RELN: variants seen among roughly 807,000 people sequenced by gnomAD.
RELN encodes reelin.
Under a neutral mutation model 427.6 loss-of-function variants are expected in RELN, and 108 were observed. The observed-to-expected ratio is 0.25, with a 90% CI of 0.22 to 0.30. The LOEUF (loss-of-function observed/expected upper bound fraction) is 0.30. Among genes scored for constraint, RELN ranks in the 10% least tolerant of loss-of-function variants. The pLI is 1.00. For synonymous variants in RELN, 1,524 were observed against 1,513.4 expected (o/e 1.01, Z -0.16); for missense variants, 3,715 against 4,302.8 (o/e 0.86, Z 3.82).
rs3025950 is a variant in RELN, at chr7:103,578,580, G to T, written c.4146-2875C>A. On this transcript the variant is annotated intron_variant, in intron 28 of 64. Transcript: ENST00000428762. The stretch of plus-strand genomic sequence containing the variant: ...ATTTCCATTTCTCCAAGTTATGCCT[G>T]GTTCCTGATGTCTGCTGCTACTCTG... Among the ~76,000 whole-genome samples, 533 of 152,208 alleles carry T rather than the reference G, an allele frequency of 3.5e-3. 20 individuals are homozygous for T. In the East Asian group the frequency reaches 0.09, roughly 26 times the overall value.
chr7:103,989,184 G>A lies in RELN; in HGVS notation c.173C>T (p.Ser58Phe), dbSNP rs1797168998. ...GGTGGGGTTGCCCGCAATATGCAGG[G>A]AAATGAGCACCTCGCCCTGCTCCCC... Reference protein sequence around the residue: ...GDGEQGEVLISLHIAGNPTYY... With the variant: ...GDGEQGEVLIFLHIAGNPTYY... The change falls in exon 1 of 65, where the codon TCC becomes TTC. Residue 58 changes from serine (S) to phenylalanine (F), a missense_variant. By Grantham distance (155) the Ser-to-Phe change is radical. This residue lies in a region of RELN where 2,208 missense variants were observed against 2,361.7 expected (regional missense o/e 0.93). Transcript: ENST00000428762. This position sits in a 1 kb window ranked among gnomAD's most constrained non-coding sequence, Gnocchi z 4.9. 1.2e-6 allele frequency: 2 copies of A among 1,614,126 alleles called. No individual in the cohort carries two copies. Among genetic ancestry groups the A allele is most frequent in the Non-Finnish European group, 1.7e-6 (2 of 1,179,992 alleles).
chr7:103,654,046 A>G (rs561945732), intron 13 of RELN, 47 bp downstream of exon 13: 3 of 1,050,538 alleles, frequency 2.9e-6, no homozygotes, highest in African/African-American at 3.1e-5. Flanking sequence ...GGGCTTGTCC[A>G]GGGTGGTCTG....
rs187048582 is a variant in RELN at position 103,583,564 on chromosome 7, C to G, written c.4145+6032G>C. 3.6e-3 allele frequency among the ~76,000 whole-genome samples: 554 copies of G among 152,298 alleles called. 12 individuals carry two copies. Among genetic ancestry groups the G allele is most frequent in the Admixed American group, 0.026 (398 of 15,300 alleles). ...GATAAAAGTTTAGAAGATTCCAGTT[C>G]AAGATGGCTGACCAGAGATATCAGA... On this transcript the variant is annotated intron_variant, in intron 28 of 64. Coordinates refer to ENST00000428762, the MANE Select transcript of RELN (RefSeq NM_005045.4).
chr7:103,664,029 T>A (rs1380149298), intron 11 of RELN, among the ~76,000 whole-genome samples: 2 of 152,052 alleles, frequency 1.3e-5, no homozygotes, highest in African/African-American at 4.8e-5. Context: ...GCTACCCAAG[T>A]CCCGGTTGTG....
chr7:103,663,273 C>T (rs968721522), intron 11 of RELN, among the ~76,000 whole-genome samples: 1 of 152,254 alleles, frequency 6.6e-6, no homozygotes, highest in South Asian at 2.1e-4. Flanking sequence ...ATGTCAGCTC[C>T]TAAGACAGGA....
intron 11 of RELN, among the ~76,000 whole-genome samples, chr7:103,663,200 T>C (rs1833183184): frequency 6.6e-6 from 1 of 152,154 alleles, no homozygotes; most frequent in Non-Finnish European, 1.5e-5. Context: ...ATTCTTCCTT[T>C]GTGATCTAAT....
In RELN at chr7:103,681,325, T is replaced by A. The variant is rs960108740; in HGVS notation, c.1289+791A>T. Among the ~76,000 whole-genome samples the A allele has an allele frequency of 4.6e-5, 7 of 152,330 alleles. No homozygotes were observed. In the East Asian group the frequency reaches 1.2e-3, roughly 25 times the overall value. The stretch of plus-strand genomic sequence containing the variant: ...CAGTGACACGACTATACCTCAAATG[T>A]TGTATTATGGAAAAGTTTGTCAGTC... On this transcript the variant is annotated intron_variant, in intron 11 of 64. Transcript: ENST00000428762.
At chr7:103,843,315 C>T (rs1017461377) in intron 2 of RELN, among the ~76,000 whole-genome samples, 10 of 152,070 alleles carry the variant, frequency 6.6e-5, no homozygotes, top group Admixed American at 6.6e-4. Context: ...AGCAATCCTC[C>T]CACCTCAGCC....
At chr7:103,607,052 T>C (rs1831837014) in intron 22 of RELN, among the ~76,000 whole-genome samples, 1 of 139,838 alleles carries the variant, frequency 7.2e-6, no homozygotes, top group African/African-American at 2.7e-5. Context: ...GGTATATATG[T>C]ACCATATTTT....
intron 11 of RELN, among the ~76,000 whole-genome samples, chr7:103,671,957 C>T (rs1434315114): frequency 6.6e-6 from 1 of 152,114 alleles, no homozygotes; most frequent in Non-Finnish European, 1.5e-5. Context: ...GAATTGCAAG[C>T]TTACATAAAA....
chr7:103,562,727 T>G (rs1442114807), intron 34 of RELN, among the ~76,000 whole-genome samples: 3 of 152,174 alleles, frequency 2.0e-5, no homozygotes, highest in African/African-American at 7.2e-5. Context: ...CTACACAAGT[T>G]CTCCATGGAT....
At chr7:103,662,110 C>A (rs1443398444) in intron 11 of RELN, among the ~76,000 whole-genome samples, 2 of 152,102 alleles carry the variant, frequency 1.3e-5, no homozygotes, top group Non-Finnish European at 2.9e-5. Flanking sequence ...TTTTCTAGGG[C>A]CTTTACACAT....
chr7:103,780,778 AT>A (rs1791869586), intron 3 of RELN, among the ~76,000 whole-genome samples: 2 of 152,174 alleles, frequency 1.3e-5, no homozygotes, highest in African/African-American at 4.8e-5. Context: ...TATATGTATC[AT>A]ATTTTCTTTA....
At position 103,652,774 on chromosome 7, in the gene RELN, A is replaced by G; in HGVS notation, c.1555-15T>C. 6.2e-7 allele frequency: 1 copy of G among 1,610,746 alleles called. No homozygotes were observed. ...AAAGACGGAACCTTTCAAACAAAGG[A>G]GACCAGAATCACTCAAAATCCTTTC... On this transcript the variant is annotated splice_polypyrimidine_tract_variant and intron_variant, in intron 13 of 64. Transcript: ENST00000428762.
chr7:103,566,550 A>G, intron 32 of RELN, 51 bp downstream of exon 32: 1 of 1,610,130 alleles, frequency 6.2e-7, no homozygotes, highest in Non-Finnish European at 8.5e-7. Context: ...GTGGGTATGG[A>G]TACTTCATGA....
chr7:103,557,726 T>A (rs1017537458), intron 37 of RELN, among the ~76,000 whole-genome samples: 12 of 152,318 alleles, frequency 7.9e-5, no homozygotes, highest in African/African-American at 2.9e-4. Flanking sequence ...TAAATTTAAC[T>A]ACCATAGAAC....
At chr7:103,886,236 G>T (rs1360826478) in intron 2 of RELN, among the ~76,000 whole-genome samples, 1 of 152,058 alleles carries the variant, frequency 6.6e-6, no homozygotes, top group African/African-American at 2.4e-5. Context: ...CCATCTCTTT[G>T]GTATACATGA....
chr7:103,601,563 A>G (rs957945077), intron 24 of RELN, among the ~76,000 whole-genome samples: 2 of 152,170 alleles, frequency 1.3e-5, no homozygotes, highest in Non-Finnish European at 2.9e-5. Context: ...GACACCTCCA[A>G]TTGCCTCAGA....
At chr7:103,904,572 G>T (rs1279909723) in intron 2 of RELN, among the ~76,000 whole-genome samples, 1 of 152,152 alleles carries the variant, frequency 6.6e-6, no homozygotes, top group Non-Finnish European at 1.5e-5. Context: ...TCTATGATCT[G>T]TGAAGTGTCC....
Sources: gnomAD v4.1 joint callset for allele counts (sites outside exome capture counted in the v4.1 genomes callset) on GRCh38, gnomAD v4.1.1 for gene constraint, gnomAD v4.1.1 regional missense constraint, Gnocchi (gnomAD v3.1) non-coding constraint, MANE v1.5 for transcripts, NCBI Gene and HGNC (gene_info 2026-07-23, HGNC 2026-07-21) for gene names.